The following MALRD1 variants were observed in gnomAD, a reference collection of about 807,000 sequenced individuals.
MALRD1 encodes MAM and LDL receptor class A domain containing 1.
In MALRD1, 247 loss-of-function variants were observed where a neutral mutation model predicts 242.1. That is an observed-to-expected ratio of 1.02 (90% confidence interval 0.92 to 1.13). The LOEUF is 1.13. MALRD1 is among the 50% of genes most tolerant of loss of function. The pLI, the probability that MALRD1 is intolerant of heterozygous loss-of-function variation, is 0.00. For missense variants in MALRD1, 2,989 were observed against 2,533.1 expected (o/e 1.18, Z -3.86); for synonymous variants, 995 against 866.6 (o/e 1.15, Z -2.60).
chr10:19,363,845 C>T (rs1358104450), intron 26 of MALRD1, among the ~76,000 whole-genome samples: 2 of 152,096 alleles, frequency 1.3e-5, no homozygotes, highest in Non-Finnish European at 2.9e-5. Context: ...CCCAAGACAT[C>T]CCACTTCCAG....
chr10:19,489,167 T>C (rs1482278203), intron 29 of MALRD1: 1 of 470,284 alleles, frequency 2.1e-6, no homozygotes, highest in South Asian at 1.5e-5. Flanking sequence ...GTCAGCGCTG[T>C]TGTCAGGTAA....
intron 19 of MALRD1, among the ~76,000 whole-genome samples, 194 bp downstream of exon 19, chr10:19,257,965 C>T (rs1389561570): frequency 6.6e-6 from 1 of 152,066 alleles, no homozygotes; most frequent in East Asian, 1.9e-4. Context: ...CAAACATAGT[C>T]AAGATGTTTG....
chr10:19,631,801 G>A (rs1213527567), intron 36 of MALRD1, among the ~76,000 whole-genome samples: 2 of 152,146 alleles, frequency 1.3e-5, no homozygotes, highest in Non-Finnish European at 2.9e-5. Flanking sequence ...TTTGAAAAGT[G>A]TGTTCATGTC....
intron 36 of MALRD1, among the ~76,000 whole-genome samples, chr10:19,675,957 A>C (rs1489809282): frequency 1.3e-5 from 2 of 152,242 alleles, no homozygotes; most frequent in African/African-American, 4.8e-5. Flanking sequence ...TTCCAGAGAT[A>C]AATGATAATT....
rs1386738682 is a variant in MALRD1 at position 19,205,136 on chromosome 10, C to T, written c.2449C>T (p.Pro817Ser). ...CATCCGATTTGAAAATTGTACTCTCCCTCTTCCTGCTGAGAGCTGTGAAGG... is the reference window on the plus strand; with the variant it reads ...CATCCGATTTGAAAATTGTACTCTCTCTCTTCCTGCTGAGAGCTGTGAAGG... The part of the protein sequence containing the change: ...DDIRFENCTL[P>S]LPAESCEGLD... Residue 817 changes from proline to serine, a missense_variant, in exon 17 of 40, where the codon CCT (proline) becomes TCT (serine). Physicochemically the swap from Pro to Ser is moderately conservative, Grantham distance 74 (BLOSUM62 -1). Coordinates refer to ENST00000454679, the MANE Select transcript of MALRD1 (RefSeq NM_001142308.3). 1 of 1,550,736 alleles carries T rather than the reference C, an allele frequency of 6.4e-7. No individual in the cohort carries two copies. The highest frequency in any genetic ancestry group is 1.2e-5 in the South Asian group (1 of 84,054).
chr10:19,515,848 G>A (rs1364512852), intron 31 of MALRD1, among the ~76,000 whole-genome samples: 2 of 152,132 alleles, frequency 1.3e-5, no homozygotes, highest in Non-Finnish European at 2.9e-5. Context: ...GATTACAGGC[G>A]TGAGCCACCG....
intron 31 of MALRD1, among the ~76,000 whole-genome samples, chr10:19,530,364 TA>T (rs1252218228): frequency 3.8e-5 from 4 of 105,154 alleles, no homozygotes; most frequent in African/African-American, 6.2e-5. Context: ...AATATTTATA[TA>T]AATATTTATA....
intron 14 of MALRD1, among the ~76,000 whole-genome samples, chr10:19,203,211 C>G (rs1836627127): frequency 6.6e-6 from 1 of 151,794 alleles, no homozygotes; most frequent in African/African-American, 2.4e-5. Flanking sequence ...TTTTCTGCAC[C>G]AATTAGGCAA....
intron 33 of MALRD1, among the ~76,000 whole-genome samples, chr10:19,593,926 A>G (rs867751185): frequency 6.6e-6 from 1 of 152,148 alleles, no homozygotes; most frequent in Non-Finnish European, 1.5e-5. Flanking sequence ...CTGTGATTTT[A>G]TCTAGCTTTG....
At chr10:19,086,972 G>T (rs937138760) in intron 2 of MALRD1, among the ~76,000 whole-genome samples, 26 of 152,194 alleles carry the variant, frequency 1.7e-4, no homozygotes, top group African/African-American at 5.8e-4. Context: ...TGAACTTAAA[G>T]AGAAAGGAAT....
At chr10:19,399,123 A>G (rs1250480796) in intron 28 of MALRD1, among the ~76,000 whole-genome samples, 1 of 152,048 alleles carries the variant, frequency 6.6e-6, no homozygotes, top group East Asian at 1.9e-4. Flanking sequence ...TGGCTTGTCT[A>G]GTTTAAAGTG....
intron 14 of MALRD1, among the ~76,000 whole-genome samples, chr10:19,184,750 G>A (rs1189318912): frequency 6.6e-6 from 1 of 152,114 alleles, no homozygotes; most frequent in East Asian, 1.9e-4. Context: ...GTTTTGCCAT[G>A]TTGGCCAGGC....
chr10:19,522,507 GCTT>G (rs1481941219), intron 31 of MALRD1, among the ~76,000 whole-genome samples: 1 of 152,094 alleles, frequency 6.6e-6, no homozygotes, highest in Non-Finnish European at 1.5e-5. Context: ...TTCCTTAGAA[GCTT>G]CTTCTTAAAT....
chr10:19,383,049 T>C (rs1311185971), intron 26 of MALRD1, among the ~76,000 whole-genome samples: 1 of 152,230 alleles, frequency 6.6e-6, no homozygotes, highest in Non-Finnish European at 1.5e-5. Flanking sequence ...AAGAATAGTA[T>C]GAACAACTCT....
At chr10:19,713,831 A>G (rs148222540) in intron 38 of MALRD1, among the ~76,000 whole-genome samples, 5 of 152,342 alleles carry the variant, frequency 3.3e-5, no homozygotes, top group African/African-American at 1.2e-4. Context: ...GTTCTGGTCA[A>G]TGAGAAAGGG....
chr10:19,235,069 A>T (rs759930880), intron 18 of MALRD1, among the ~76,000 whole-genome samples: 1 of 152,188 alleles, frequency 6.6e-6, no homozygotes, highest in Admixed American at 6.5e-5. Flanking sequence ...CAGTAGCCAG[A>T]TCAAGGATAT....
chr10:19,633,562 A>G (rs1282380368), intron 36 of MALRD1: 1 of 152,152 alleles, frequency 6.6e-6, no homozygotes, highest in African/African-American at 2.4e-5. Context: ...CCATATTAGT[A>G]ATGCCAGCCT....
intron 17 of MALRD1, among the ~76,000 whole-genome samples, chr10:19,205,910 AT>A (rs200271233): frequency 0.024 from 3,544 of 145,690 alleles, 124 homozygotes; most frequent in East Asian, 0.18. Flanking sequence ...AGTTAATAGG[AT>A]TTTTTTTTTT....
At chr10:19,339,987 T>A (rs949367618) in intron 24 of MALRD1, among the ~76,000 whole-genome samples, 3 of 152,094 alleles carry the variant, frequency 2.0e-5, no homozygotes, top group African/African-American at 7.2e-5. Context: ...AGTGCCATAC[T>A]TTTAAACCAT....
Sources: allele counts gnomAD v4.1 joint callset (sites outside exome capture counted in the v4.1 genomes callset), GRCh38; gene constraint gnomAD v4.1.1; transcripts MANE v1.5; gene names NCBI Gene and HGNC (gene_info 2026-07-23, HGNC 2026-07-21).